CCZ1: variants seen among roughly 807,000 people sequenced by gnomAD.
CCZ1 encodes vacuolar fusion protein CCZ1 homolog.
CCZ1 carries 19 observed loss-of-function variants against 57.8 expected under a neutral mutation model. The ratio of observed to expected loss-of-function variants is 0.33; its 90% CI spans 0.23 to 0.48. The LOEUF is 0.48. Among genes scored for constraint, CCZ1 ranks in the 20% least tolerant of loss-of-function variants. The pLI, the probability that CCZ1 is intolerant of heterozygous loss-of-function variation, is 0.99. For synonymous variants in CCZ1, 81 were observed against 167.0 expected, an observed-to-expected ratio of 0.49 and a Z score of 3.97; for missense variants, 200 against 492.0, an observed-to-expected ratio of 0.41 and a Z score of 5.61.
chr7:5,901,472 G>C, intron 4 of CCZ1, 185 bp from the exon 5 acceptor site: 2 of 985,948 alleles, frequency 2.0e-6, no homozygotes, highest in Non-Finnish European at 1.3e-6. Flanking sequence ...ACAACAGAGC[G>C]AGACTCCATC....
chr7:5,907,734 G>A (rs1202666608), intron 7 of CCZ1, among the ~76,000 whole-genome samples: 1 of 139,760 alleles, frequency 7.2e-6, no homozygotes, highest in Non-Finnish European at 1.5e-5. Flanking sequence ...TGGCTGCACA[G>A]AACTGTTCTG....
At chr7:5,907,053 G>A (rs1298927141) in intron 7 of CCZ1, among the ~76,000 whole-genome samples, 1 of 148,916 alleles carries the variant, frequency 6.7e-6, no homozygotes, top group African/African-American at 2.5e-5. Context: ...TAGAGATGGG[G>A]TTTTACCATG....
intron 9 of CCZ1, 53 bp from the exon 10 acceptor site, chr7:5,912,790 C>A (rs1779068599): frequency 5.3e-6 from 5 of 943,114 alleles, no homozygotes; most frequent in African/African-American, 1.6e-5. Context: ...TTTCTAGATT[C>A]CTGATTCTCC....
intron 8 of CCZ1, among the ~76,000 whole-genome samples, chr7:5,911,469 A>T (rs1583187496): frequency 6.8e-6 from 1 of 147,632 alleles, no homozygotes; most frequent in Admixed American, 6.7e-5. Context: ...CACCTGGCTA[A>T]TTTTTTGTAG....
chr7:5,920,538 C>G (rs1779219854), intron 12 of CCZ1, among the ~76,000 whole-genome samples: 1 of 107,034 alleles, frequency 9.3e-6, no homozygotes, highest in African/African-American at 3.6e-5. Flanking sequence ...GTGGCTTGAT[C>G]TTGGCTCACT....
intron 8 of CCZ1, among the ~76,000 whole-genome samples, chr7:5,910,518 A>AG (rs1210592396): frequency 1.4e-5 from 2 of 145,936 alleles, no homozygotes; most frequent in Non-Finnish European, 3.0e-5. Flanking sequence ...TAGTAGAGAC[A>AG]GGTTTCACTA....
intron 7 of CCZ1, 39 bp from the exon 8 acceptor site, chr7:5,909,996 G>T: frequency 6.3e-7 from 1 of 1,583,750 alleles, no homozygotes; most frequent in Non-Finnish European, 8.6e-7. Flanking sequence ...ACAGAAGACA[G>T]TTCCAAACGT....
At chr7:5,913,338 A>G (rs1212782334) in intron 10 of CCZ1, among the ~76,000 whole-genome samples, 1 of 59,796 alleles carries the variant, frequency 1.7e-5, no homozygotes, top group African/African-American at 4.2e-5. Flanking sequence ...TGCTAATTCC[A>G]TAAGGATTGT....
At chr7:5,900,797 C>T (rs1583179995) in intron 3 of CCZ1, 58 bp from the exon 4 acceptor site, 2 of 1,554,056 alleles carry the variant, frequency 1.3e-6, no homozygotes. Flanking sequence ...TAAATTAAGG[C>T]AAAATAAACA....
rs1217062015 is a variant in CCZ1, at chr7:5,901,237, T to C, written c.390+305T>C. On this transcript the variant is annotated intron_variant, in intron 4 of 14. Coordinates refer to ENST00000325974, the MANE Select transcript of CCZ1 (RefSeq NM_015622.6). ...CAGTGGCTCACACCTGTAATCCTAG[T>C]ACTTTGGGAGGTCAAGGCAGGCAGA... The C allele has an allele frequency of 2.2e-5, 4 of 184,336 alleles. 1 individual carries two copies. In the East Asian group the frequency reaches 6.4e-4, roughly 29 times the overall value. The allele number at this position is 184,336 out of a possible 1,614,324, so 11.4% of individuals were successfully genotyped here.
intron 10 of CCZ1, among the ~76,000 whole-genome samples, chr7:5,916,655 C>A (rs1779155109): frequency 6.8e-6 from 1 of 148,034 alleles, no homozygotes. Flanking sequence ...GTGTTGACAT[C>A]CAGGGAAGCT....
intron 6 of CCZ1, among the ~76,000 whole-genome samples, chr7:5,903,315 C>G (rs1414970215): frequency 7.0e-6 from 1 of 142,556 alleles, no homozygotes; most frequent in Admixed American, 7.0e-5. Context: ...AACAAAGAGA[C>G]AGGGTCTTGT....
At chr7:5,909,229 G>T (rs548511841) in intron 7 of CCZ1, among the ~76,000 whole-genome samples, 2 of 147,940 alleles carry the variant, frequency 1.4e-5, no homozygotes, top group East Asian at 2.2e-4. Context: ...CCTTAACTTC[G>T]CAGTCAGGTG....
At chr7:5,906,511 C>G (rs1781827912) in intron 7 of CCZ1, among the ~76,000 whole-genome samples, 1 of 147,818 alleles carries the variant, frequency 6.8e-6, no homozygotes, top group Non-Finnish European at 1.5e-5. Flanking sequence ...TCAGTACAGA[C>G]AAGGTTTTAC....
In CCZ1 at chr7:5,913,140, C is replaced by T. The variant is rs1296601482; in HGVS notation, c.954+186C>T. 5.6e-4 allele frequency among the ~76,000 whole-genome samples: 83 copies of T among 147,176 alleles called. 4 individuals carry two copies. Among genetic ancestry groups the T allele is most frequent in the African/African-American group, 1.7e-3 (69 of 39,584 alleles). On this transcript the variant is annotated intron_variant, in intron 10 of 14. Transcript: ENST00000325974. ...AAGTTTATTTTCAGCTCCTTTTAAA[C>T]AGTTTTGTTATTAGTGAAAGAGGAA...
At chr7:5,901,780 G>T (rs112286506) in intron 5 of CCZ1, 76 bp downstream of exon 5, 1 of 1,554,052 alleles carries the variant, frequency 6.4e-7, no homozygotes, top group Admixed American at 1.8e-5. Flanking sequence ...TGTTTAAAGA[G>T]AAATCTGTAA....
In CCZ1 at chr7:5,901,702, A is replaced by G. The variant is rs1472220580; in HGVS notation, c.436A>G (p.Lys146Glu). 2 of 1,598,688 alleles carry G rather than the reference A, an allele frequency of 1.3e-6. No homozygotes were observed. Among genetic ancestry groups the G allele is most frequent in the Admixed American group, 1.7e-5 (1 of 59,440 alleles). ...SVLRQCYSMYKLFNGTFLKAM... is the reference protein window; with the variant it reads ...SVLRQCYSMYELFNGTFLKAM... ...GCTGCGGCAGTGCTACAGCATGTAC[A>G]AGGTAAGCGTGGCGTTCTTTCTCAA... is the stretch of plus-strand genomic sequence containing the variant. The change falls in exon 5 of 15, where the codon AAG becomes GAG. Residue 146 changes from lysine to glutamate, a missense_variant and splice_region_variant. Physicochemically the swap from Lys to Glu is moderately conservative, Grantham distance 56 (BLOSUM62 1). This residue lies in a region of CCZ1 where 128 missense variants were observed against 178.4 expected (regional missense o/e 0.72). Transcript: ENST00000325974.
chr7:5,904,560 T>C (rs1235483717), intron 6 of CCZ1, among the ~76,000 whole-genome samples: 14 of 142,772 alleles, frequency 9.8e-5, no homozygotes, highest in East Asian at 4.7e-4. Context: ...TGGCCAGGCG[T>C]GGTGGCTCAC....
intron 10 of CCZ1, among the ~76,000 whole-genome samples, chr7:5,913,521 T>TG (rs1779085269): frequency 2.0e-5 from 3 of 150,206 alleles, no homozygotes; most frequent in African/African-American, 7.3e-5. Context: ...AATGATGCCG[T>TG]GGGGGAACAG....
Sources: allele counts gnomAD v4.1 joint callset (sites outside exome capture counted in the v4.1 genomes callset), GRCh38; gene constraint gnomAD v4.1.1; regional missense constraint gnomAD v4.1.1; transcripts MANE v1.5; gene names NCBI Gene and HGNC (gene_info 2026-07-23, HGNC 2026-07-21).